Variants in TRAPPC11 observed in about 807,000 individuals in gnomAD.
TRAPPC11 encodes the protein foie gras homolog.
In TRAPPC11, 104 loss-of-function variants were observed where a neutral mutation model predicts 151.2. The ratio of observed to expected loss-of-function variants is 0.69; its 90% CI spans 0.59 to 0.81. The LOEUF is 0.81. Ranked by LOEUF, TRAPPC11 falls within the 30% of genes least tolerant of loss-of-function variation. TRAPPC11 has a pLI of 0.00. For synonymous variants in TRAPPC11, 456 were observed against 472.3 expected (o/e 0.97, Z 0.45); for missense variants, 1,230 against 1,349.6 (o/e 0.91, Z 1.39).
At position 183,684,988 on chromosome 4, in the gene TRAPPC11, G is replaced by A. The variant is rs988466345; in HGVS notation, c.1568-96G>A. On this transcript the variant is annotated intron_variant, in intron 15 of 29. Transcript: ENST00000334690. Reference sequence around the variant, plus strand: ...CACTGTGCTTAGTCATCTTAAAGAGGTATTTATTATTATATCAAGTTTCTA... The same window carrying A: ...CACTGTGCTTAGTCATCTTAAAGAGATATTTATTATTATATCAAGTTTCTA... 7 of 1,321,930 alleles carry A rather than the reference G, an allele frequency of 5.3e-6. No homozygotes were observed. In the African/African-American group the frequency reaches 8.9e-5, roughly 17 times the overall value. The allele number at this position is 1,321,930 out of a possible 1,614,324, so 81.9% of individuals were successfully genotyped here.
At chr4:183,663,516 A>C (rs1233949644) in intron 1 of TRAPPC11, among the ~76,000 whole-genome samples, 1 of 152,100 alleles carries the variant, frequency 6.6e-6, no homozygotes, top group Non-Finnish European at 1.5e-5. Context: ...TACAGGCGTG[A>C]GTCACCACGA....
intron 26 of TRAPPC11, among the ~76,000 whole-genome samples, chr4:183,704,770 G>A (rs1034919091): frequency 1.6e-4 from 25 of 152,004 alleles, no homozygotes; most frequent in Non-Finnish European, 2.2e-4. Context: ...CCGAGATCGC[G>A]CCACTGCACT....
chr4:183,670,779 T>G (rs1047187677), intron 5 of TRAPPC11, among the ~76,000 whole-genome samples: 1 of 151,994 alleles, frequency 6.6e-6, no homozygotes, highest in Non-Finnish European at 1.5e-5. Context: ...CTAATTTGTT[T>G]GCTTTTGGTT....
At chr4:183,661,613 C>T (rs1439801245) in intron 1 of TRAPPC11, among the ~76,000 whole-genome samples, 28 of 151,626 alleles carry the variant, frequency 1.8e-4, no homozygotes, top group Non-Finnish European at 3.4e-4. Flanking sequence ...CCTTGTGATC[C>T]GCCCGCCTCG....
In TRAPPC11 at chr4:183,660,931, T is replaced by C. The variant is rs552239747; in HGVS notation, c.-22+1484T>C. The stretch of plus-strand genomic sequence containing the variant: ...GTTTCACCCTATTGGCCAGGCTGGT[T>C]TTGAACCGTTGACCTCGTGAATCGC... On this transcript the variant is annotated intron_variant, in intron 1 of 29. Transcript: ENST00000334690. 1.9e-3 allele frequency among the ~76,000 whole-genome samples: 277 copies of C among 148,304 alleles called. 3 individuals carry two copies. The highest frequency in any genetic ancestry group is 5.1e-3 in the African/African-American group (209 of 41,300).
chr4:183,694,115 T>C, intron 22 of TRAPPC11, 77 bp downstream of exon 22: 1 of 1,508,326 alleles, frequency 6.6e-7, no homozygotes, highest in Non-Finnish European at 9.1e-7. Flanking sequence ...TTTTAACAGT[T>C]CAGAGCGTTT....
intron 29 of TRAPPC11, among the ~76,000 whole-genome samples, chr4:183,711,203 T>C (rs1737324979): frequency 6.6e-6 from 1 of 152,190 alleles, no homozygotes; most frequent in Admixed American, 6.5e-5. Context: ...TTTTAGGTCC[T>C]AGTGCACCTG....
intron 5 of TRAPPC11, among the ~76,000 whole-genome samples, chr4:183,672,385 C>G (rs1224257479): frequency 6.6e-6 from 1 of 152,086 alleles, no homozygotes; most frequent in African/African-American, 2.4e-5. Flanking sequence ...CTGAAGGTCT[C>G]TTTCCTTAAA....
At chr4:183,689,646 T>TC (rs2111055683) in intron 18 of TRAPPC11, among the ~76,000 whole-genome samples, 1 of 145,140 alleles carries the variant, frequency 6.9e-6, no homozygotes, top group South Asian at 2.2e-4. Context: ...TTTTTTTTTT[T>TC]TAAAGAGATA....
At chr4:183,687,035 G>T (rs1736011957) in intron 18 of TRAPPC11, among the ~76,000 whole-genome samples, 1 of 152,078 alleles carries the variant, frequency 6.6e-6, no homozygotes, top group African/African-American at 2.4e-5. Flanking sequence ...AAAAAAATCT[G>T]CTGGGTGTGG....
In TRAPPC11 at chr4:183,679,469, T is replaced by G. The variant is rs1327422485; in HGVS notation, c.948T>G (p.Asp316Glu). 1.1e-5 allele frequency: 18 copies of G among 1,610,416 alleles called. No homozygotes were observed. The highest frequency in any genetic ancestry group is 1.5e-5 in the Non-Finnish European group (18 of 1,178,658). ...GTGCAGAGCTGTCTTTTGAGCATGA[T>G]GCATGGATGTCTAAACAGTATGTTT... ...IGSAELSFEH[D>E]AWMSKQFQAF... Residue 316 changes from aspartate to glutamate, a missense_variant, in exon 9 of 30, where the codon GAT becomes GAG. Coordinates refer to ENST00000334690, the MANE Select transcript of TRAPPC11 (RefSeq NM_021942.6).
chr4:183,672,048 A>G (rs1561032617), intron 5 of TRAPPC11, among the ~76,000 whole-genome samples: 2 of 152,230 alleles, frequency 1.3e-5, no homozygotes, highest in African/African-American at 2.4e-5. Flanking sequence ...TCAGGTTCCT[A>G]CCTTCATAAA....
intron 5 of TRAPPC11, among the ~76,000 whole-genome samples, chr4:183,669,565 C>T (rs1230087525): frequency 6.6e-6 from 1 of 152,216 alleles, no homozygotes; most frequent in African/African-American, 2.4e-5. Flanking sequence ...CTGTTGTCCT[C>T]TGTGCTATAC....
chr4:183,681,985 AT>A (rs1450369498), intron 10 of TRAPPC11, among the ~76,000 whole-genome samples: 1 of 152,190 alleles, frequency 6.6e-6, no homozygotes, highest in East Asian at 1.9e-4. Context: ...GCTATAGGGA[AT>A]TTGTTAAAAT....
At position 183,681,545 on chromosome 4, in the gene TRAPPC11, C is replaced by T. The variant is rs112242012; in HGVS notation, c.1114-1187C>T. On this transcript the variant is annotated intron_variant, in intron 10 of 29. Transcript: ENST00000334690. ...CCTGTAATCCCAGCACTTTGGGAGG[C>T]TGAGGTGGGCAGATCACAAGGTCAG... Among the ~76,000 whole-genome samples, 840 of 152,246 alleles carry T rather than the reference C, an allele frequency of 5.5e-3. 7 individuals are homozygous for T. The highest frequency in any genetic ancestry group is 0.019 in the African/African-American group (788 of 41,534).
chr4:183,661,628 C>G (rs1176606086), intron 1 of TRAPPC11, among the ~76,000 whole-genome samples: 1 of 152,048 alleles, frequency 6.6e-6, no homozygotes, highest in South Asian at 2.1e-4. Context: ...GCCTCGGCCT[C>G]CCAAAGTGCT....
chr4:183,673,695 G>A (rs1735268814), intron 5 of TRAPPC11, among the ~76,000 whole-genome samples: 1 of 152,010 alleles, frequency 6.6e-6, no homozygotes, highest in South Asian at 2.1e-4. Flanking sequence ...GAAATGAAAT[G>A]AAATAATGAA....
intron 1 of TRAPPC11, among the ~76,000 whole-genome samples, chr4:183,662,113 A>G (rs1734582413): frequency 6.6e-6 from 1 of 151,832 alleles, no homozygotes; most frequent in African/African-American, 2.4e-5. Context: ...AAAGAACCTC[A>G]TTTGGGAGGC....
intron 18 of TRAPPC11, among the ~76,000 whole-genome samples, chr4:183,690,552 G>A (rs1396948238): frequency 6.6e-6 from 1 of 152,174 alleles, no homozygotes; most frequent in African/African-American, 2.4e-5. Context: ...TGTAATTAAG[G>A]AAATAAGACA....
Sources: gnomAD v4.1 joint callset for allele counts (sites outside exome capture counted in the v4.1 genomes callset) on GRCh38, gnomAD v4.1.1 for gene constraint, MANE v1.5 for transcripts, NCBI Gene and HGNC (gene_info 2026-07-23, HGNC 2026-07-21) for gene names.